Variants in CLIC5 observed in about 807,000 individuals in gnomAD.
CLIC5 encodes CLIC family member 5, also known as chloride intracellular channel protein 5.
Under a neutral mutation model 24.7 loss-of-function variants are expected in CLIC5, and 20 were observed. The observed-to-expected ratio is 0.81, with a 90% CI of 0.57 to 1.18. The LOEUF (loss-of-function observed/expected upper bound fraction) is 1.18, where lower values mean the gene tolerates loss of function less well. Ranked by LOEUF, CLIC5 falls within the 50% of genes most tolerant of loss-of-function variation. CLIC5 has a pLI of 0.00. For missense variants in CLIC5, 341 were observed against 326.1 expected, an observed-to-expected ratio of 1.05 and a Z score of -0.35; for synonymous variants, 159 against 135.6, an observed-to-expected ratio of 1.17 and a Z score of -1.20.
rs953912614 is a variant in CLIC5 at position 45,900,255 on chromosome 6, C to T, written c.*2833G>A. ...GCAAGTCAAAGAAGATAAATAAATACAAAATAAAATAAGATCTCAACACAA... is the reference window on the plus strand; with the variant it reads ...GCAAGTCAAAGAAGATAAATAAATATAAAATAAAATAAGATCTCAACACAA... On this transcript the variant is annotated 3_prime_UTR_variant, in exon 6 of 6. Transcript: ENST00000339561. 3.9e-5 allele frequency: 6 copies of T among 152,070 alleles called. No homozygotes were observed. Among genetic ancestry groups the T allele is most frequent in the African/African-American group, 9.7e-5 (4 of 41,408 alleles). 9.4% of individuals were successfully genotyped at this position (152,070 alleles called of 1,614,324 possible).
intron 4 of CLIC5, among the ~76,000 whole-genome samples, chr6:45,917,465 C>G (rs1447726531): frequency 6.6e-6 from 1 of 152,098 alleles, no homozygotes; most frequent in Non-Finnish European, 1.5e-5. Context: ...TTAAGAAGCT[C>G]CAAATTTGTG....
chr6:45,914,304 G>C lies in CLIC5; in HGVS notation c.512C>G (p.Ser171Cys), dbSNP rs764132378. 4 of 1,607,170 alleles carry C rather than the reference G, an allele frequency of 2.5e-6. No individual in the cohort carries two copies. In the African/African-American group the frequency reaches 5.3e-5, roughly 21 times the overall value. The part of the protein sequence containing the change: ...DANTCGEDKG[S>C]RRKFLDGDEL... ...ATCCCCATCCAGGAACTTGCGCCGGGACCCCTTGTCTTCCCCACAAGTGTT... is the reference window on the plus strand; with the variant it reads ...ATCCCCATCCAGGAACTTGCGCCGGCACCCCTTGTCTTCCCCACAAGTGTT... Residue 171 changes from serine (S) to cysteine (C), a missense_variant, in exon 5 of 6, where the codon TCC becomes TGC. Physicochemically the swap from Ser to Cys is moderately radical, Grantham distance 112 (BLOSUM62 -1). Coordinates refer to ENST00000339561, the MANE Select transcript of CLIC5 (RefSeq NM_016929.5).
upstream of CLIC5, chr6:46,080,354 G>C: frequency 1.3e-6 from 1 of 795,206 alleles, no homozygotes; most frequent in Non-Finnish European, 2.0e-6. Flanking sequence ...CTCTTAAAAG[G>C]CAGCAACTAG....
At chr6:46,069,347 A>G (rs192143017) in intron 1 of CLIC5, among the ~76,000 whole-genome samples, 1 of 152,280 alleles carries the variant, frequency 6.6e-6, no homozygotes, top group Non-Finnish European at 1.5e-5. Context: ...AGAAGATCCA[A>G]ATAAACACAA....
intron 6 of CLIC5, among the ~76,000 whole-genome samples, chr6:45,884,137 T>A (rs1330741478): frequency 1.3e-5 from 2 of 152,216 alleles, no homozygotes; most frequent in Non-Finnish European, 2.9e-5. Flanking sequence ...CTTCCATCCC[T>A]CTACTTGGCT....
chr6:45,996,120 T>TAAA (rs59715080), intron 1 of CLIC5, among the ~76,000 whole-genome samples: 3 of 128,378 alleles, frequency 2.3e-5, no homozygotes, highest in African/African-American at 5.7e-5. Context: ...ACCTCAGAAC[T>TAAA]AAAAAAAAAA....
At chr6:46,101,770 C>T in the CLIC5 span, among the ~76,000 whole-genome samples, 2 of 152,194 alleles carry the variant, frequency 1.3e-5, no homozygotes, top group Non-Finnish European at 2.9e-5. Context: ...TCTAAACCAA[C>T]AACCTCATAT....
intron 6 of CLIC5, among the ~76,000 whole-genome samples, chr6:45,888,597 T>C (rs1762324557): frequency 6.6e-6 from 1 of 152,232 alleles, no homozygotes; most frequent in Non-Finnish European, 1.5e-5. Context: ...CCCTCGTGAA[T>C]TTATCTAAGT....
intron 4 of CLIC5, chr6:45,919,075 G>A (rs573076662): frequency 5.1e-5 from 50 of 985,218 alleles, no homozygotes; most frequent in Non-Finnish European, 6.0e-5. Flanking sequence ...ACCTCTGGGT[G>A]GTGGAAAAAC....
In CLIC5 at chr6:45,993,141, C is replaced by T. The variant is rs189411364; in HGVS notation, c.63+22339G>A. On this transcript the variant is annotated intron_variant, in intron 1 of 5. Transcript: ENST00000339561. Reference sequence around the variant, plus strand: ...GGTCCTGAAGCACACTGGGCATGACCTGTTTTCCAAATCTTCAGAGATGGG... The same window carrying T: ...GGTCCTGAAGCACACTGGGCATGACTTGTTTTCCAAATCTTCAGAGATGGG... Among the ~76,000 whole-genome samples, 8 of 152,308 alleles carry T rather than the reference C, an allele frequency of 5.3e-5. No individual in the cohort carries two copies. In the East Asian group the frequency reaches 9.6e-4, roughly 18 times the overall value.
At chr6:46,120,300 C>T in the CLIC5 span, among the ~76,000 whole-genome samples, 9 of 152,356 alleles carry the variant, frequency 5.9e-5, no homozygotes, top group Non-Finnish European at 1.0e-4. Flanking sequence ...GCAGCCTCCA[C>T]TGCTGATACC....
Position 46,015,387 on chromosome 6 carries a change from G to T in CLIC5, c.63+93C>A, listed in dbSNP as rs1238831758. The T allele has an allele frequency of 3.9e-6, 5 of 1,294,444 alleles. No individual in the cohort carries two copies. In the African/African-American group the frequency reaches 6.2e-5, roughly 16 times the overall value. 80.2% of individuals were successfully genotyped at this position (1,294,444 alleles called of 1,614,324 possible). On this transcript the variant is annotated intron_variant, in intron 1 of 5. Coordinates refer to ENST00000339561, the MANE Select transcript of CLIC5 (RefSeq NM_016929.5). The stretch of plus-strand genomic sequence containing the variant: ...GCACAGGGCTCCGCGCCGCCCTCCT[G>T]GGAGGGTCCGGAGTCCAGCGCACCC...
intron 1 of CLIC5, among the ~76,000 whole-genome samples, chr6:45,962,244 T>G (rs920991977): frequency 2.0e-5 from 3 of 151,130 alleles, no homozygotes; most frequent in African/African-American, 7.3e-5. Context: ...GAGAGAGAGA[T>G]TTATTTTAAG....
intron 1 of CLIC5, among the ~76,000 whole-genome samples, chr6:46,036,326 T>C (rs1311609775): frequency 3.5e-5 from 5 of 143,036 alleles, no homozygotes; most frequent in African/African-American, 1.3e-4. Context: ...TTTTTTTTTT[T>C]TGAGACGGAG....
chr6:46,015,573 C>T lies in CLIC5; in HGVS notation c.-31G>A. On this transcript the variant is annotated 5_prime_UTR_variant, in exon 1 of 6. Transcript: ENST00000339561. Reference sequence around the variant, plus strand: ...TGGCGCCCGGGGCTACCGTCCCGGGCCGGGGAGGCGCCACCTCTGCAGCAC... The same window carrying T: ...TGGCGCCCGGGGCTACCGTCCCGGGTCGGGGAGGCGCCACCTCTGCAGCAC... 6.5e-7 allele frequency: 1 copy of T among 1,543,766 alleles called. No homozygotes were observed. Among genetic ancestry groups the T allele is most frequent in the Non-Finnish European group, 8.7e-7 (1 of 1,145,488 alleles).
intron 1 of CLIC5, among the ~76,000 whole-genome samples, chr6:45,994,833 A>G (rs1336346490): frequency 6.6e-6 from 1 of 152,130 alleles, no homozygotes; most frequent in Non-Finnish European, 1.5e-5. Context: ...ACAGTTGGTT[A>G]CAATTATGTC....
At chr6:46,081,453 A>G (rs1181756858), upstream of CLIC5, among the ~76,000 whole-genome samples, 1 of 152,196 alleles carries the variant, frequency 6.6e-6, no homozygotes, top group African/African-American at 2.4e-5. Flanking sequence ...CTTAGACTTC[A>G]ATATTGTATC....
At chr6:45,966,032 G>T (rs756445324) in intron 1 of CLIC5, among the ~76,000 whole-genome samples, 1 of 152,132 alleles carries the variant, frequency 6.6e-6, no homozygotes, top group Non-Finnish European at 1.5e-5. Context: ...TGAATGTTGA[G>T]TTTTGAATAT....
At chr6:46,066,046 G>A (rs1762434318) in intron 1 of CLIC5, among the ~76,000 whole-genome samples, 1 of 152,190 alleles carries the variant, frequency 6.6e-6, no homozygotes, top group South Asian at 2.1e-4. Context: ...TTGCTGGAAT[G>A]CACATAAAAT....
Sources: allele counts gnomAD v4.1 joint callset (sites outside exome capture counted in the v4.1 genomes callset), GRCh38; gene constraint gnomAD v4.1.1; transcripts MANE v1.5; gene names NCBI Gene and HGNC (gene_info 2026-07-23, HGNC 2026-07-21).